The following ST8SIA6 variants were observed in gnomAD, a reference collection of about 807,000 sequenced individuals.
ST8SIA6 encodes ST8 alpha-N-acetyl-neuraminide alpha-2,8-sialyltransferase 6.
In ST8SIA6, 39 loss-of-function variants were observed where a neutral mutation model predicts 33.6. The observed-to-expected ratio is 1.16, with a 90% confidence interval of 0.90 to 1.52. The LOEUF is 1.52. Ranked by LOEUF, ST8SIA6 falls within the 40% of genes most tolerant of loss-of-function variation. ST8SIA6 has a pLI of 0.00. For missense variants in ST8SIA6, 441 were observed against 443.8 expected (o/e 0.99, Z 0.06); for synonymous variants, 172 against 167.2 (o/e 1.03, Z -0.22).
At chr10:17,377,848 C>T (rs1412193706) in intron 3 of ST8SIA6, among the ~76,000 whole-genome samples, 9 of 152,082 alleles carry the variant, frequency 5.9e-5, no homozygotes, top group East Asian at 1.9e-4. Context: ...ACTTTTTTAT[C>T]GCCATACACT....
In ST8SIA6 at chr10:17,318,080, T is replaced by C. The variant is rs760780977; in HGVS notation, c.*2798A>G. 7.9e-5 allele frequency among the ~76,000 whole-genome samples: 12 copies of C among 152,196 alleles called. No homozygotes were observed. The highest frequency in any genetic ancestry group is 1.6e-4 in the Non-Finnish European group (11 of 68,030). On this transcript the variant is annotated 3_prime_UTR_variant, in exon 8 of 8. Transcript: ENST00000377602. ...CCTTTGGATTTGGCTGAAAATTATA[T>C]TGGAATCTTGTTATTCTGTTTCATT...
chr10:17,340,382 C>T (rs968228355), intron 4 of ST8SIA6, among the ~76,000 whole-genome samples: 3 of 152,036 alleles, frequency 2.0e-5, no homozygotes, highest in African/African-American at 2.4e-5. Context: ...CCTTTAGTCA[C>T]GTGTTCCGTA....
intron 2 of ST8SIA6, among the ~76,000 whole-genome samples, chr10:17,451,446 A>C (rs1409574441): frequency 6.6e-6 from 1 of 152,234 alleles, no homozygotes; most frequent in Non-Finnish European, 1.5e-5. Flanking sequence ...GGGAGAGCTG[A>C]GAAATTATCC....
intron 2 of ST8SIA6, 108 bp from the exon 3 acceptor site, chr10:17,390,728 C>A (rs572189473): frequency 2.4e-5 from 18 of 739,228 alleles, no homozygotes; most frequent in East Asian, 9.8e-5. Context: ...AATGAAGTCT[C>A]ATCTTTACTC....
intron 2 of ST8SIA6, among the ~76,000 whole-genome samples, chr10:17,399,367 CTA>C (rs1269847083): frequency 6.6e-6 from 1 of 152,190 alleles, no homozygotes; most frequent in Non-Finnish European, 1.5e-5. Context: ...AACCATGATT[CTA>C]TGTTTTGGTG....
At chr10:17,406,264 A>G (rs1851254474) in intron 2 of ST8SIA6, among the ~76,000 whole-genome samples, 1 of 152,170 alleles carries the variant, frequency 6.6e-6, no homozygotes, top group South Asian at 2.1e-4. Flanking sequence ...GCCAGGATGT[A>G]AATTCTCCTT....
intron 2 of ST8SIA6, among the ~76,000 whole-genome samples, chr10:17,414,336 T>C (rs2131698752): frequency 6.6e-6 from 1 of 152,294 alleles, no homozygotes; most frequent in Admixed American, 6.5e-5. Flanking sequence ...TGTTATTTAT[T>C]CTCCCGTCTC....
At chr10:17,387,824 T>G (rs965052722) in intron 3 of ST8SIA6, among the ~76,000 whole-genome samples, 9 of 152,238 alleles carry the variant, frequency 5.9e-5, no homozygotes, top group Non-Finnish European at 1.0e-4. Context: ...GACTATGATA[T>G]GATAACAACG....
chr10:17,454,569 G>A lies in ST8SIA6; in HGVS notation c.-314C>T, dbSNP rs941052972. 6.6e-6 allele frequency among the ~76,000 whole-genome samples: 1 copy of A among 151,876 alleles called. No homozygotes were observed. The highest frequency in any genetic ancestry group is 2.4e-5 in the African/African-American group (1 of 41,392). ...CCGGAGGCGCTCGGAGCTGCTGCGG[G>A]CTCCGGTCGCCGCTGCCACTGCTGC... is the stretch of plus-strand genomic sequence containing the variant. On this transcript the variant is annotated 5_prime_UTR_variant, in exon 1 of 8. Transcript: ENST00000377602. This position sits in a 1 kb window ranked among gnomAD's most constrained non-coding sequence, Gnocchi z 4.1.
intron 2 of ST8SIA6, among the ~76,000 whole-genome samples, chr10:17,430,217 C>G (rs1439757821): frequency 6.6e-6 from 1 of 152,184 alleles, no homozygotes; most frequent in Non-Finnish European, 1.5e-5. Flanking sequence ...CAGGTTGCTG[C>G]AAAAGACATT....
chr10:17,415,706 A>G (rs906638520), intron 2 of ST8SIA6, among the ~76,000 whole-genome samples: 4 of 151,908 alleles, frequency 2.6e-5, no homozygotes, highest in Admixed American at 1.3e-4. Context: ...AATATCAGAC[A>G]TGCAGAGTGG....
In ST8SIA6 at chr10:17,320,069, G is replaced by T. The variant is rs1006415664; in HGVS notation, c.*809C>A. ...CAGAGCCTGGTGCAGGGCCTGGCAT[G>T]AAGTAGTTATTCAGTAATTTTAAAA... On this transcript the variant is annotated 3_prime_UTR_variant, in exon 8 of 8. Transcript: ENST00000377602. 2.0e-5 allele frequency: 3 copies of T among 152,160 alleles called. No individual in the cohort carries two copies. Among genetic ancestry groups the T allele is most frequent in the African/African-American group, 7.2e-5 (3 of 41,424 alleles). The allele number at this position is 152,160 out of a possible 1,614,324, so 9.4% of individuals were successfully genotyped here.
Position 17,404,153 on chromosome 10 carries a change from G to A in ST8SIA6, c.201-13533C>T, listed in dbSNP as rs181000983. On this transcript the variant is annotated intron_variant, in intron 2 of 7. Transcript: ENST00000377602. ...GGTGCCATGTGTATTGTTTTAAGAA[G>A]TTTACACATGTGTCATCTCATTTCA... 9.5e-4 allele frequency among the ~76,000 whole-genome samples: 143 copies of A among 151,204 alleles called. 1 individual carries two copies. Among genetic ancestry groups the A allele is most frequent in the South Asian group, 6.5e-3 (31 of 4,750 alleles).
intron 2 of ST8SIA6, among the ~76,000 whole-genome samples, chr10:17,412,451 C>A (rs137992617): frequency 0.013 from 1,982 of 152,242 alleles, 48 homozygotes; most frequent in African/African-American, 0.045. Context: ...CCATACTATT[C>A]CTGCATTAAG....
Position 17,368,407 on chromosome 10 carries a change from C to CAAAAA in ST8SIA6, c.291-8812_291-8808dup, listed in dbSNP as rs200826980. On this transcript the variant is annotated intron_variant, in intron 3 of 7. Coordinates refer to ENST00000377602, the MANE Select transcript of ST8SIA6 (RefSeq NM_001004470.3). ...GGGCAACAAGAGTGAAGCTCTGTCT[C>CAAAAA]AAAAAAAAAAAAAAAAAAAAAAAAA... 2.9e-4 allele frequency among the ~76,000 whole-genome samples: 21 copies of CAAAAA among 72,190 alleles called. 1 individual carries two copies. Among genetic ancestry groups the CAAAAA allele is most frequent in the Admixed American group, 5.9e-4 (3 of 5,072 alleles). 47.4% of individuals were successfully genotyped at this position (72,190 alleles called of 152,430 possible).
At chr10:17,398,592 A>C (rs2131674930) in intron 2 of ST8SIA6, among the ~76,000 whole-genome samples, 1 of 152,370 alleles carries the variant, frequency 6.6e-6, no homozygotes, top group South Asian at 2.1e-4. Context: ...AATTCTATTT[A>C]CAATGACTAT....
chr10:17,323,293 T>C (rs539219964), intron 6 of ST8SIA6, 136 bp from the exon 7 acceptor site: 1 of 491,898 alleles, frequency 2.0e-6, no homozygotes, highest in South Asian at 5.0e-5. Context: ...ATCATTGCTA[T>C]TGAGACCCTC....
intron 3 of ST8SIA6, among the ~76,000 whole-genome samples, chr10:17,359,906 C>CA (rs1849327816): frequency 6.6e-6 from 1 of 152,040 alleles, no homozygotes; most frequent in South Asian, 2.1e-4. Context: ...AAATAATTGA[C>CA]AAATATATAT....
At chr10:17,347,140 A>G (rs1016931002) in intron 4 of ST8SIA6, among the ~76,000 whole-genome samples, 1 of 152,240 alleles carries the variant, frequency 6.6e-6, no homozygotes, top group African/African-American at 2.4e-5. Flanking sequence ...CCACATCTAC[A>G]AAATACATCA....
Sources: allele counts gnomAD v4.1 joint callset (sites outside exome capture counted in the v4.1 genomes callset), GRCh38; gene constraint gnomAD v4.1.1; non-coding constraint Gnocchi (gnomAD v3.1); transcripts MANE v1.5; gene names NCBI Gene and HGNC (gene_info 2026-07-23, HGNC 2026-07-21).